Variants in KCNK18 observed in about 807,000 individuals in gnomAD.
The protein encoded by KCNK18 is potassium two pore domain channel subfamily K member 18, also known as potassium channel subfamily K member 18.
KCNK18 carries 8 observed loss-of-function variants against 11.8 expected under a neutral mutation model. The ratio of observed to expected loss-of-function variants is 0.68; its 90% confidence interval spans 0.40 to 1.22. The LOEUF (loss-of-function observed/expected upper bound fraction) is 1.22. Ranked by LOEUF, KCNK18 falls within the 50% of genes most tolerant of loss-of-function variation. KCNK18 has a pLI of 0.01. For synonymous variants in KCNK18, 208 were observed against 185.8 expected (o/e 1.12, Z -0.97); for missense variants, 442 against 465.4 (o/e 0.95, Z 0.46).
At position 117,210,151 on chromosome 10, in the gene KCNK18, T is replaced by A; in HGVS notation, c.1007T>A (p.Phe336Tyr). The change falls in exon 3 of 3, where the codon TTC (phenylalanine) becomes TAC (tyrosine). Residue 336 changes from phenylalanine to tyrosine, a missense_variant. Phe to Tyr is a conservative substitution (Grantham distance 22). Transcript: ENST00000334549. Reference sequence around the variant, plus strand: ...GATACTGTTTTAGAACACCCTAACTTCTTCCTGTTCTTCTCCATTTATATC... The same window carrying A: ...GATACTGTTTTAGAACACCCTAACTACTTCCTGTTCTTCTCCATTTATATC... ...FGDTVLEHPN[F>Y]FLFFSIYIIV... The A allele has an allele frequency of 6.2e-7, 1 of 1,614,224 alleles. No individual in the cohort carries two copies. Among genetic ancestry groups the A allele is most frequent in the Non-Finnish European group, 8.5e-7 (1 of 1,180,054 alleles).
chr10:117,199,764 C>T (rs371038540), intron 1 of KCNK18, among the ~76,000 whole-genome samples: 5 of 152,338 alleles, frequency 3.3e-5, no homozygotes, highest in African/African-American at 1.2e-4. Flanking sequence ...GGTCTAGAAT[C>T]GATGTGTGTA....
In KCNK18 at chr10:117,209,498, C is replaced by G. The variant is rs373357407; in HGVS notation, c.354C>G (p.Gly118=). Residue 118 remains glycine, a splice_region_variant and synonymous_variant, in exon 3 of 3, where the codon GGC becomes GGG. Transcript: ENST00000334549. ...FFCCTVFSTV[G]YGYIYPVTRL... Reference sequence around the variant, plus strand: ...TCTAAGCTCCATCTTCTTTTTCAGGCTATGGCTACATCTACCCCGTCACCA... The same window carrying G: ...TCTAAGCTCCATCTTCTTTTTCAGGGTATGGCTACATCTACCCCGTCACCA... 1.8e-5 allele frequency: 29 copies of G among 1,613,656 alleles called. No homozygotes were observed. The highest frequency in any genetic ancestry group is 3.3e-4 in the Middle Eastern group (2 of 6,084).
chr10:117,205,047 G>T (rs144213408), intron 2 of KCNK18, among the ~76,000 whole-genome samples: 1 of 152,172 alleles, frequency 6.6e-6, no homozygotes, highest in African/African-American at 2.4e-5. Context: ...AATCAATAAC[G>T]GTGTTTGAAA....
intron 1 of KCNK18, among the ~76,000 whole-genome samples, chr10:117,199,910 C>T (rs928484090): frequency 1.1e-4 from 16 of 152,306 alleles, no homozygotes; most frequent in East Asian, 7.7e-4. Flanking sequence ...TCAGGCCAAT[C>T]GAGCCATTCA....
intron 2 of KCNK18, among the ~76,000 whole-genome samples, chr10:117,205,256 G>A (rs967529947): frequency 2.6e-5 from 4 of 152,200 alleles, no homozygotes; most frequent in African/African-American, 9.6e-5. Flanking sequence ...TGAACTGATT[G>A]TATCAAAATA....
intron 2 of KCNK18, among the ~76,000 whole-genome samples, chr10:117,205,909 G>A (rs1855069617): frequency 6.6e-6 from 1 of 152,054 alleles, no homozygotes; most frequent in African/African-American, 2.4e-5. Flanking sequence ...AATTAACCAG[G>A]CATGGTGGTG....
rs201746496 is a variant in KCNK18 at position 117,197,499 on chromosome 10, C to T, written c.11C>T (p.Ser4Leu). Reference protein sequence around the residue: MEVSGHPQARRCCP... With the variant: MEVLGHPQARRCCP... Reference sequence around the variant, plus strand: ...CATGCTTCAGGGACGATGGAGGTCTCGGGGCACCCCCAGGCCAGGAGATGC... The same window carrying T: ...CATGCTTCAGGGACGATGGAGGTCTTGGGGCACCCCCAGGCCAGGAGATGC... The change falls in exon 1 of 3, where the codon TCG (serine) becomes TTG (leucine). Residue 4 changes from serine to leucine, a missense_variant. Transcript: ENST00000334549. The T allele has an allele frequency of 8.5e-5, 137 of 1,612,974 alleles. No homozygotes were observed. Among genetic ancestry groups the T allele is most frequent in the Middle Eastern group, 7.6e-4 (4 of 5,290 alleles).
chr10:117,201,124 C>G (rs753454529), intron 1 of KCNK18, 35 bp from the exon 2 acceptor site: 3 of 1,613,636 alleles, frequency 1.9e-6, no homozygotes, highest in African/African-American at 2.7e-5. Flanking sequence ...CCAGCAGAAC[C>G]TTTTCCTCAA....
intron 2 of KCNK18, among the ~76,000 whole-genome samples, chr10:117,202,176 C>T (rs1358851789): frequency 6.6e-6 from 1 of 152,192 alleles, no homozygotes; most frequent in Non-Finnish European, 1.5e-5. Context: ...AGGCTGGGGC[C>T]CCTCATGCTG....
chr10:117,200,272 T>C (rs59833995), intron 1 of KCNK18, among the ~76,000 whole-genome samples: 10,147 of 152,016 alleles, frequency 0.067, 552 homozygotes, highest in Admixed American at 0.16. Context: ...GAGACAGGGT[T>C]TCACCATGTT....
Position 117,209,504 on chromosome 10 carries a change from C to CT in KCNK18, c.361dup (p.Tyr121LeufsTer44), listed in dbSNP as rs541915908. On this transcript the variant is annotated frameshift_variant, in exon 3 of 3. Transcript: ENST00000334549. LOFTEE classifies it low-confidence loss of function (END_TRUNC). ...CTCCATCTTCTTTTTCAGGCTATGG[C>CT]TACATCTACCCCGTCACCAGGCTTG... 1.4e-3 allele frequency: 2,306 copies of CT among 1,613,916 alleles called. 40 individuals carry two copies. The South Asian group carries it at 0.019, about 14-fold the overall frequency.
intron 2 of KCNK18, among the ~76,000 whole-genome samples, chr10:117,205,504 A>C (rs1246582475): frequency 6.6e-6 from 1 of 152,140 alleles, no homozygotes; most frequent in African/African-American, 2.4e-5. Context: ...ACAGCAGTAG[A>C]TTCTGGTGGA....
intron 1 of KCNK18, among the ~76,000 whole-genome samples, chr10:117,198,464 T>C (rs1854975930): frequency 1.3e-5 from 2 of 152,206 alleles, no homozygotes; most frequent in African/African-American, 2.4e-5. Context: ...AGGAACATTC[T>C]GGCTCTTGGA....
At chr10:117,201,557 C>A (rs1442027871) in intron 2 of KCNK18, among the ~76,000 whole-genome samples, 5 of 152,214 alleles carry the variant, frequency 3.3e-5, no homozygotes, top group Non-Finnish European at 7.3e-5. Flanking sequence ...TTATTGTTCC[C>A]ACTCCAGCAG....
Position 117,202,885 on chromosome 10 carries a change from G to GTTTTTTTTTTTTTTTTT in KCNK18, c.352+1598_352+1599insTTTTTTTTTTTTTTTTT, listed in dbSNP as rs750157980. Reference sequence around the variant, plus strand: ...CGTGGTTTCTCCCATTTGCCTGAATGCTTTTTTTTTTTTTTTTTTTTTTGA... The same window carrying GTTTTTTTTTTTTTTTTT: ...CGTGGTTTCTCCCATTTGCCTGAATGTTTTTTTTTTTTTTTTTCTTTTTTTTTTTTTTTTTTTTTTGA... On this transcript the variant is annotated intron_variant, in intron 2 of 2. Coordinates refer to ENST00000334549, the MANE Select transcript of KCNK18 (RefSeq NM_181840.1). 2.7e-5 allele frequency among the ~76,000 whole-genome samples: 3 copies of GTTTTTTTTTTTTTTTTT among 111,286 alleles called. 1 individual carries two copies. The highest frequency in any genetic ancestry group is 1.7e-5 in the Non-Finnish European group (1 of 57,270). 73.0% of individuals were successfully genotyped at this position (111,286 alleles called of 152,430 possible). A position where few individuals can be genotyped will look rare whatever the true frequency, so the allele number is the denominator to read the frequency against.
rs363315 is a variant in KCNK18, at chr10:117,209,835, T to C, written c.691T>C (p.Ser231Pro). The C allele has an allele frequency of 0.041, 66,040 of 1,613,932 alleles. 2,801 individuals are homozygous for C. Among genetic ancestry groups the C allele is most frequent in the Admixed American group, 0.2 (12,215 of 59,986 alleles). ...PSCSMELFER[S>P]HALEKQNTLQ... ...CTGCAGCATGGAGCTGTTTGAGAGA[T>C]CTCATGCGCTAGAGAAACAGAACAC... The change falls in exon 3 of 3, where the codon TCT becomes CCT. Residue 231 changes from serine to proline, a missense_variant. Coordinates refer to ENST00000334549, the MANE Select transcript of KCNK18 (RefSeq NM_181840.1).
intron 1 of KCNK18, 69 bp downstream of exon 1, chr10:117,197,780 C>T: frequency 1.4e-6 from 2 of 1,418,402 alleles, no homozygotes; most frequent in South Asian, 1.2e-5. Flanking sequence ...GAGCAGAGGG[C>T]TGCCTTCTAG....
intron 1 of KCNK18, among the ~76,000 whole-genome samples, chr10:117,198,935 C>G (rs1854981646): frequency 6.6e-6 from 1 of 152,228 alleles, no homozygotes; most frequent in South Asian, 2.1e-4. Context: ...TCAGAATCAA[C>G]CAGGGAGACT....
chr10:117,208,063 T>C (rs1335087605), intron 2 of KCNK18, among the ~76,000 whole-genome samples: 1 of 152,098 alleles, frequency 6.6e-6, no homozygotes, highest in African/African-American at 2.4e-5. Context: ...CCTCAGCGCA[T>C]CCCTTCCTTT....
Sources: gnomAD v4.1 joint callset for allele counts (sites outside exome capture counted in the v4.1 genomes callset) on GRCh38, gnomAD v4.1.1 for gene constraint, MANE v1.5 for transcripts, NCBI Gene and HGNC (gene_info 2026-07-23, HGNC 2026-07-21) for gene names.